The following CACNA2D3 variants were observed in gnomAD, a reference collection of about 807,000 sequenced individuals.
CACNA2D3 encodes voltage-dependent calcium channel subunit alpha-2/delta-3.
In CACNA2D3, 60 loss-of-function variants were observed where a neutral mutation model predicts 160.6. That is an observed-to-expected ratio of 0.37 (90% CI 0.30 to 0.46). CACNA2D3 has a LOEUF of 0.46. CACNA2D3 is among the 20% of genes least tolerant of loss of function. The pLI is 1.00. For missense variants in CACNA2D3, 1,205 were observed against 1,365.0 expected (o/e 0.88, Z 1.85); for synonymous variants, 558 against 492.9 (o/e 1.13, Z -1.75).
chr3:54,655,050 C>T lies in CACNA2D3; in HGVS notation c.1167+12809C>T, dbSNP rs1005419118. Among the ~76,000 whole-genome samples, 5 of 152,314 alleles carry T rather than the reference C, an allele frequency of 3.3e-5. No homozygotes were observed. The East Asian group carries it at 9.7e-4, about 29-fold the overall frequency. ...GGGCCCAGCCTCACAGAGCCCAATC[C>T]AACGTGTGCTTGGTGCTGGACATGT... is the stretch of plus-strand genomic sequence containing the variant. On this transcript the variant is annotated intron_variant, in intron 11 of 37. Coordinates refer to ENST00000474759, the MANE Select transcript of CACNA2D3 (RefSeq NM_018398.3).
intron 14 of CACNA2D3, 98 bp from the exon 15 acceptor site, chr3:54,837,061 G>T (rs79389088): frequency 2.3e-5 from 23 of 993,180 alleles, no homozygotes; most frequent in East Asian, 4.8e-5. Flanking sequence ...CATCTCAACA[G>T]CCCCTGGTTT....
At chr3:54,956,703 C>G (rs1701904459) in intron 27 of CACNA2D3, among the ~76,000 whole-genome samples, 1 of 152,028 alleles carries the variant, frequency 6.6e-6, no homozygotes, top group South Asian at 2.1e-4. Flanking sequence ...AGGTAATGGC[C>G]TAATCACCTA....
At chr3:54,581,717 G>A in intron 8 of CACNA2D3, 86 bp from the exon 9 acceptor site, 1 of 1,070,540 alleles carries the variant, frequency 9.3e-7, no homozygotes, top group Non-Finnish European at 1.4e-6. Flanking sequence ...CCGCTTTTTT[G>A]TTTGTGTGCG....
intron 35 of CACNA2D3, among the ~76,000 whole-genome samples, chr3:55,056,966 G>A (rs1255700373): frequency 6.6e-6 from 1 of 152,178 alleles, no homozygotes; most frequent in East Asian, 1.9e-4. Flanking sequence ...CTCTCACCAT[G>A]AAACATGGTA....
chr3:54,885,707 T>C, intron 23 of CACNA2D3, 121 bp downstream of exon 23: 2 of 687,920 alleles, frequency 2.9e-6, no homozygotes, highest in Non-Finnish European at 5.2e-6. Context: ...ATCAGTCACA[T>C]GAAATCTAAT....
chr3:54,410,682 A>G (rs190634370), intron 4 of CACNA2D3, among the ~76,000 whole-genome samples: 212 of 148,952 alleles, frequency 1.4e-3, no homozygotes, highest in African/African-American at 3.8e-3. Context: ...CTCACATGGC[A>G]ACCTAAGAGC....
intron 2 of CACNA2D3, among the ~76,000 whole-genome samples, chr3:54,191,377 CCTTTT>C (rs994051909): frequency 4.8e-4 from 70 of 145,008 alleles, no homozygotes; most frequent in African/African-American, 1.0e-3. Flanking sequence ...TGTTCTAATG[CCTTTT>C]CTTTTAAAAC....
intron 11 of CACNA2D3, among the ~76,000 whole-genome samples, chr3:54,681,404 A>G (rs2106914774): frequency 7.0e-6 from 1 of 142,036 alleles, no homozygotes; most frequent in South Asian, 2.4e-4. Context: ...AAAAAAAAAA[A>G]AAAAGGCCAG....
intron 27 of CACNA2D3, among the ~76,000 whole-genome samples, chr3:54,968,235 G>T (rs1702195592): frequency 6.6e-6 from 1 of 152,132 alleles, no homozygotes; most frequent in Non-Finnish European, 1.5e-5. Context: ...GATCTGCACT[G>T]TGCTGTTTGT....
chr3:54,957,475 G>A (rs1701928307), intron 27 of CACNA2D3, among the ~76,000 whole-genome samples: 1 of 152,170 alleles, frequency 6.6e-6, no homozygotes, highest in African/African-American at 2.4e-5. Flanking sequence ...CATGGAATAA[G>A]TCTTAGGTAA....
intron 4 of CACNA2D3, among the ~76,000 whole-genome samples, chr3:54,412,935 T>C (rs1361576821): frequency 6.6e-6 from 1 of 151,926 alleles, no homozygotes; most frequent in African/African-American, 2.4e-5. Flanking sequence ...AAGAAATTAA[T>C]GTAAAGACAA....
At chr3:54,878,799 T>C (rs1177853183) in intron 18 of CACNA2D3, 1 of 397,450 alleles carries the variant, frequency 2.5e-6, no homozygotes, top group Non-Finnish European at 4.4e-6. Context: ...TGTCCTGAAG[T>C]TTACACGAGC....
Position 54,570,007 on chromosome 3 carries a change from G to T in CACNA2D3, c.791G>T (p.Ser264Ile). ...GACGTGGTCATTTTAGTTGACGTCA[G>T]TGGCAGCATGAAAGGACTCCGTCTG... is the stretch of plus-strand genomic sequence containing the variant. ...PKDVVILVDV[S>I]GSMKGLRLTI... Residue 264 changes from serine (S) to isoleucine (I), a missense_variant, in exon 8 of 38, where the codon AGT (serine) becomes ATT (isoleucine). Ser to Ile is a moderately radical substitution (Grantham distance 142, BLOSUM62 -2). Coordinates refer to ENST00000474759, the MANE Select transcript of CACNA2D3 (RefSeq NM_018398.3). 1.2e-6 allele frequency: 2 copies of T among 1,614,040 alleles called. No individual in the cohort carries two copies. The highest frequency in any genetic ancestry group is 1.7e-6 in the Non-Finnish European group (2 of 1,179,892).
chr3:54,963,939 A>G (rs1702088614), intron 27 of CACNA2D3, among the ~76,000 whole-genome samples: 1 of 152,236 alleles, frequency 6.6e-6, no homozygotes, highest in Non-Finnish European at 1.5e-5. Flanking sequence ...AAGTTTCGAT[A>G]TCTGTAGTTA....
chr3:54,128,475 C>T (rs895179425), intron 2 of CACNA2D3, among the ~76,000 whole-genome samples: 8 of 152,208 alleles, frequency 5.3e-5, no homozygotes, highest in Non-Finnish European at 8.8e-5. Context: ...TTCCCACTTA[C>T]ATTGATCAAT....
chr3:54,924,346 A>G (rs748946136), intron 27 of CACNA2D3, among the ~76,000 whole-genome samples: 6 of 152,200 alleles, frequency 3.9e-5, no homozygotes, highest in Non-Finnish European at 7.3e-5. Flanking sequence ...TCTTAATAGC[A>G]TACTCCCAGA....
rs115210738 is a variant in CACNA2D3 at position 54,466,539 on chromosome 3, G to A, written c.382-36953G>A. ...CAAGTTTTTCCCCTCAATGGCTGGC[G>A]CTGCTCAGTAACATTGCAAGTGTTA... is the stretch of plus-strand genomic sequence containing the variant. On this transcript the variant is annotated intron_variant, in intron 4 of 37. Transcript: ENST00000474759. 8.9e-3 allele frequency among the ~76,000 whole-genome samples: 1,348 copies of A among 152,198 alleles called. 14 individuals are homozygous for A. Among genetic ancestry groups the A allele is most frequent in the African/African-American group, 0.031 (1,280 of 41,540 alleles).
chr3:54,590,598 T>TTAC (rs144669978), intron 9 of CACNA2D3, among the ~76,000 whole-genome samples: 1 of 11,146 alleles, frequency 9.0e-5, no homozygotes, highest in African/African-American at 1.4e-3. Flanking sequence ...GGCATTTCTC[T>TTAC]TATTATTATT....
chr3:55,043,971 T>C (rs1262787170), intron 35 of CACNA2D3, among the ~76,000 whole-genome samples: 2 of 152,220 alleles, frequency 1.3e-5, no homozygotes, highest in Non-Finnish European at 2.9e-5. Flanking sequence ...TATCTATGTG[T>C]CTGTCTTTTC....
Sources: gnomAD v4.1 joint callset for allele counts (sites outside exome capture counted in the v4.1 genomes callset) on GRCh38, gnomAD v4.1.1 for gene constraint, MANE v1.5 for transcripts, NCBI Gene and HGNC (gene_info 2026-07-23, HGNC 2026-07-21) for gene names.